Variants in USH2A observed in about 807,000 individuals in gnomAD.
The protein encoded by USH2A is usherin.
In USH2A, 443 loss-of-function variants were observed where a neutral mutation model predicts 538.9. That is an observed-to-expected ratio of 0.82 (90% confidence interval 0.76 to 0.89). The LOEUF is 0.89. Ranked by LOEUF, USH2A falls within the 40% of genes least tolerant of loss-of-function variation. The probability of loss-of-function intolerance (pLI) is 0.00; values close to 1 mark genes in which losing one functional copy is unlikely to be tolerated. For missense variants in USH2A, 6,633 were observed against 6,324.8 expected (o/e 1.05, Z -1.65); for synonymous variants, 2,413 against 2,273.5 (o/e 1.06, Z -1.75).
At chr1:216,400,216 T>TTATATATA (rs71161422) in intron 3 of USH2A, among the ~76,000 whole-genome samples, 185 of 147,294 alleles carry the variant, frequency 1.3e-3, no homozygotes, top group African/African-American at 3.8e-3. Flanking sequence ...GAAATAGAAG[T>TTATATATA]TATATATATA....
At chr1:216,299,372 C>A (rs775286090) in intron 9 of USH2A, among the ~76,000 whole-genome samples, 42 of 151,592 alleles carry the variant, frequency 2.8e-4, no homozygotes, top group Non-Finnish European at 5.4e-4. Context: ...GAGTATAATC[C>A]TCTATTCTAG....
At chr1:216,135,192 A>G (rs2033461454) in intron 21 of USH2A, among the ~76,000 whole-genome samples, 1 of 151,634 alleles carries the variant, frequency 6.6e-6, no homozygotes, top group Non-Finnish European at 1.5e-5. Flanking sequence ...ACACACACAC[A>G]CACACACACA....
In USH2A at chr1:216,192,305, T is replaced by A. The variant is rs184424170; in HGVS notation, c.4252-1938A>T. Among the ~76,000 whole-genome samples the A allele has an allele frequency of 6.6e-5, 10 of 152,218 alleles. No homozygotes were observed. The East Asian group carries it at 1.7e-3, about 27-fold the overall frequency. On this transcript the variant is annotated intron_variant, in intron 19 of 71. Transcript: ENST00000307340. ...CAGGTCAGTTCAGATACAAATTTAA[T>A]CATTGAGAAGGTAAAAAATTGGACT...
At chr1:215,844,549 A>G (rs1233491911) in intron 45 of USH2A, 53 bp from the exon 46 acceptor site, 2 of 1,577,210 alleles carry the variant, frequency 1.3e-6, no homozygotes, top group Non-Finnish European at 1.7e-6. Context: ...GAAAAAGCAC[A>G]TGTTAAGCTA....
intron 41 of USH2A, among the ~76,000 whole-genome samples, chr1:215,884,594 G>C (rs894272599): frequency 2.6e-5 from 4 of 152,168 alleles, no homozygotes; most frequent in African/African-American, 9.7e-5. Flanking sequence ...GCAATTTCTA[G>C]AACATAACAT....
intron 43 of USH2A, among the ~76,000 whole-genome samples, chr1:215,876,109 A>G (rs1212324876): frequency 6.6e-6 from 1 of 152,026 alleles, no homozygotes; most frequent in East Asian, 1.9e-4. Flanking sequence ...AGCACAAATA[A>G]GCAAAAATAA....
chr1:216,366,132 G>A (rs1462448831), intron 3 of USH2A, among the ~76,000 whole-genome samples: 1 of 151,988 alleles, frequency 6.6e-6, no homozygotes, highest in Non-Finnish European at 1.5e-5. Flanking sequence ...AGGAATAATT[G>A]GTACTCTAAT....
chr1:215,991,871 A>G (rs915035593), intron 35 of USH2A, among the ~76,000 whole-genome samples: 1 of 152,210 alleles, frequency 6.6e-6, no homozygotes, highest in East Asian at 1.9e-4. Flanking sequence ...ATTGTCATCT[A>G]TGAACTAGGG....
chr1:216,384,294 G>A (rs1424118962), intron 3 of USH2A, among the ~76,000 whole-genome samples: 2 of 151,784 alleles, frequency 1.3e-5, no homozygotes, highest in African/African-American at 4.8e-5. Flanking sequence ...AAAAATAAGA[G>A]AACAATACAC....
intron 32 of USH2A, among the ~76,000 whole-genome samples, chr1:216,006,085 C>G (rs1668384352): frequency 6.6e-6 from 1 of 152,102 alleles, no homozygotes; most frequent in Admixed American, 6.5e-5. Context: ...TTTTTGGCAA[C>G]TCTAACATCC....
At chr1:216,290,429 A>G (rs147262360) in intron 10 of USH2A, among the ~76,000 whole-genome samples, 2 of 152,286 alleles carry the variant, frequency 1.3e-5, no homozygotes, top group East Asian at 3.9e-4. Context: ...ATGAATATTT[A>G]TCGCGTGATT....
intron 36 of USH2A, among the ~76,000 whole-genome samples, chr1:215,969,748 G>T (rs950376601): frequency 6.6e-6 from 1 of 151,976 alleles, no homozygotes; most frequent in Non-Finnish European, 1.5e-5. Context: ...TCAAAAATAA[G>T]GAAGCAGAAA....
intron 4 of USH2A, among the ~76,000 whole-genome samples, chr1:216,360,811 A>C (rs537408936): frequency 1.3e-5 from 2 of 152,130 alleles, no homozygotes; most frequent in Non-Finnish European, 2.9e-5. Flanking sequence ...GGGAGAAATC[A>C]AGGAATATAT....
In USH2A at chr1:215,625,801, A is replaced by C. The variant is rs1183592203; in HGVS notation, c.15589T>G (p.Phe5197Val). 3 of 1,614,074 alleles carry C rather than the reference A, an allele frequency of 1.9e-6. No homozygotes were observed. Among genetic ancestry groups the C allele is most frequent in the East Asian group, 4.5e-5 (2 of 44,872 alleles). The part of the protein sequence containing the change: ...FSSVTKERTT[F>V]TDTHL ...ATCCTTTACAGGTGGGTGTCTGTGA[A>C]TGTGGTGCGTTCCTTAGTCACTGAG... is the stretch of plus-strand genomic sequence containing the variant. Residue 5197 changes from phenylalanine (F) to valine (V), a missense_variant, in exon 72 of 72, where the codon TTC becomes GTC. Phe to Val is a conservative substitution (Grantham distance 50). Transcript: ENST00000307340.
intron 61 of USH2A, among the ~76,000 whole-genome samples, chr1:215,683,145 G>C (rs1035605530): frequency 6.6e-6 from 1 of 151,762 alleles, no homozygotes; most frequent in Admixed American, 6.6e-5. Flanking sequence ...CCTTGGCTGC[G>C]CAAAAGTGCT....
chr1:215,781,624 C>T (rs967259559), intron 54 of USH2A, among the ~76,000 whole-genome samples: 2 of 152,044 alleles, frequency 1.3e-5, no homozygotes, highest in Non-Finnish European at 2.9e-5. Context: ...TTTTGTTTTC[C>T]GTGCCAGGCT....
intron 38 of USH2A, 196 bp from the exon 39 acceptor site, chr1:215,901,101 G>T: frequency 2.9e-6 from 2 of 687,946 alleles, no homozygotes; most frequent in Non-Finnish European, 4.9e-6. Flanking sequence ...AATTACATTA[G>T]TATTTCAGTC....
At chr1:215,731,943 T>C (rs1660005622) in intron 60 of USH2A, among the ~76,000 whole-genome samples, 1 of 152,230 alleles carries the variant, frequency 6.6e-6, no homozygotes. Context: ...TGCCTGTCTG[T>C]GTCCTCTAGT....
intron 4 of USH2A, 135 bp downstream of exon 4, chr1:216,364,818 C>T (rs1181971244): frequency 9.4e-6 from 11 of 1,174,296 alleles, no homozygotes; most frequent in African/African-American, 1.5e-5. Flanking sequence ...AATCTGCCAT[C>T]CAGTTGGTGG....
Sources: allele counts gnomAD v4.1 joint callset (sites outside exome capture counted in the v4.1 genomes callset), GRCh38; gene constraint gnomAD v4.1.1; transcripts MANE v1.5; gene names NCBI Gene and HGNC (gene_info 2026-07-23, HGNC 2026-07-21).